The following IPCEF1 variants were observed in gnomAD, a reference collection of about 807,000 sequenced individuals.
The protein encoded by IPCEF1 is interaction protein for cytohesin exchange factors 1.
Under a neutral mutation model 50.9 loss-of-function variants are expected in IPCEF1, and 31 were observed. The observed-to-expected ratio is 0.61, with a 90% CI of 0.46 to 0.82. The LOEUF is 0.82. Among genes scored for constraint, IPCEF1 ranks in the 40% least tolerant of loss-of-function variants. IPCEF1 has a pLI of 0.00. For synonymous variants in IPCEF1, 181 were observed against 192.0 expected (o/e 0.94, Z 0.47); for missense variants, 458 against 514.0 (o/e 0.89, Z 1.05).
At chr6:154,166,544 T>C (rs1218762974) in intron 11 of IPCEF1, among the ~76,000 whole-genome samples, 1 of 152,236 alleles carries the variant, frequency 6.6e-6, no homozygotes, top group African/African-American at 2.4e-5. Flanking sequence ...GTGTTCCTAA[T>C]GCCTCCAGTA....
intron 1 of IPCEF1, among the ~76,000 whole-genome samples, chr6:154,351,367 C>T (rs1431462216): frequency 1.3e-5 from 2 of 152,156 alleles, no homozygotes; most frequent in African/African-American, 2.4e-5. Flanking sequence ...CCCTTTTGTT[C>T]CCTGCTGGCT....
At chr6:154,239,701 A>G (rs865957694) in intron 5 of IPCEF1, among the ~76,000 whole-genome samples, 6 of 136,318 alleles carry the variant, frequency 4.4e-5, no homozygotes, top group Admixed American at 2.1e-4. Context: ...AATTGTCTTC[A>G]CTGAAGAAAC....
chr6:154,161,059 T>G (rs1444605993), intron 11 of IPCEF1, among the ~76,000 whole-genome samples: 4 of 152,206 alleles, frequency 2.6e-5, no homozygotes, highest in Non-Finnish European at 5.9e-5. Context: ...GCATGCATTT[T>G]CTCACCCACA....
rs776199517 is a variant in IPCEF1 at position 154,246,688 on chromosome 6, T to C, written c.149A>G (p.Tyr50Cys). ...LGHADCQGWLYKKKEKGSFLS... is the reference protein window; with the variant it reads ...LGHADCQGWLCKKKEKGSFLS... ...GAAACTTCCCTTTTCCTTTTTCTTATACAGCCACCCTTGGCAGTCAGCATG... is the reference window on the plus strand; with the variant it reads ...GAAACTTCCCTTTTCCTTTTTCTTACACAGCCACCCTTGGCAGTCAGCATG... Residue 50 changes from tyrosine (Y) to cysteine (C), a missense_variant, in exon 5 of 12, where the codon TAT becomes TGT. Physicochemically the swap from Tyr to Cys is radical, Grantham distance 194. Transcript: ENST00000367220. The C allele has an allele frequency of 1.9e-6, 3 of 1,614,134 alleles. No homozygotes were observed. The highest frequency in any genetic ancestry group is 4.5e-5 in the East Asian group (2 of 44,886).
At chr6:154,182,449 G>A (rs1369756461) in intron 10 of IPCEF1, among the ~76,000 whole-genome samples, 1 of 151,838 alleles carries the variant, frequency 6.6e-6, no homozygotes, top group Non-Finnish European at 1.5e-5. Context: ...TCAACTATCT[G>A]ATTAAGTAGC....
chr6:154,271,959 C>A (rs1390368513), intron 2 of IPCEF1, among the ~76,000 whole-genome samples: 15 of 152,194 alleles, frequency 9.9e-5, no homozygotes. Context: ...TGCACTCCAT[C>A]CTGAACAACA....
At chr6:154,345,657 A>C (rs1584011748) in intron 1 of IPCEF1, among the ~76,000 whole-genome samples, 2 of 152,064 alleles carry the variant, frequency 1.3e-5, no homozygotes, top group East Asian at 3.9e-4. Flanking sequence ...AACGTGTTAG[A>C]TTTGTCAATT....
At chr6:154,247,112 C>A in intron 4 of IPCEF1, 1 of 398,104 alleles carries the variant, frequency 2.5e-6, no homozygotes, top group Non-Finnish European at 4.5e-6. Flanking sequence ...GGCTGGCGGG[C>A]ATATCAGTGC....
chr6:154,178,720 T>A (rs544524503), intron 10 of IPCEF1, among the ~76,000 whole-genome samples: 4 of 152,222 alleles, frequency 2.6e-5, no homozygotes, highest in African/African-American at 9.6e-5. Context: ...AATCCAAAAA[T>A]GAGATAATGG....
At chr6:154,200,453 G>A (rs1776969898) in intron 9 of IPCEF1, among the ~76,000 whole-genome samples, 1 of 152,208 alleles carries the variant, frequency 6.6e-6, no homozygotes, top group Non-Finnish European at 1.5e-5. Context: ...GGGTGCGATG[G>A]CTCATGCCTG....
intron 10 of IPCEF1, among the ~76,000 whole-genome samples, chr6:154,195,948 T>C (rs1412068374): frequency 1.3e-5 from 2 of 151,942 alleles, no homozygotes; most frequent in Non-Finnish European, 1.5e-5. Context: ...TGTGCCACCA[T>C]ACCTGGCTAA....
chr6:154,250,498 G>T (rs1375169583), intron 3 of IPCEF1, among the ~76,000 whole-genome samples: 1 of 152,096 alleles, frequency 6.6e-6, no homozygotes, highest in Admixed American at 6.5e-5. Flanking sequence ...CTTTTTCATT[G>T]AAGAAGTGTA....
At chr6:154,204,705 T>C (rs1426944185) in intron 9 of IPCEF1, among the ~76,000 whole-genome samples, 2 of 152,212 alleles carry the variant, frequency 1.3e-5, no homozygotes, top group African/African-American at 4.8e-5. Flanking sequence ...AGTGGCTTCC[T>C]GCCTTATCAG....
chr6:154,229,862 C>G (rs757460504), intron 5 of IPCEF1, among the ~76,000 whole-genome samples: 3 of 152,148 alleles, frequency 2.0e-5, no homozygotes, highest in Non-Finnish European at 2.9e-5. Context: ...CACAGCCATA[C>G]GACGAAATGC....
rs185979097 is a variant in IPCEF1 at position 154,184,045 on chromosome 6, C to T, written c.910+15623G>A. The stretch of plus-strand genomic sequence containing the variant: ...GTCACTATGCTGCATATTCGATCCC[C>T]TGAGCTTATTCATTTTATAGCTGAA... On this transcript the variant is annotated intron_variant, in intron 10 of 11. Coordinates refer to ENST00000367220, the MANE Select transcript of IPCEF1 (RefSeq NM_001130700.2). Among the ~76,000 whole-genome samples the T allele has an allele frequency of 6.5e-3, 982 of 152,222 alleles. 6 individuals carry two copies. The highest frequency in any genetic ancestry group is 0.023 in the African/African-American group (942 of 41,568).
chr6:154,199,938 A>T lies in IPCEF1; in HGVS notation c.640T>A (p.Ser214Thr). 6.2e-7 allele frequency: 1 copy of T among 1,614,230 alleles called. No individual in the cohort carries two copies. The highest frequency in any genetic ancestry group is 8.5e-7 in the Non-Finnish European group (1 of 1,180,040). Residue 214 changes from serine (S) to threonine (T), a missense_variant, in exon 10 of 12, where the codon TCC becomes ACC. By Grantham distance (58) the Ser-to-Thr change is moderately conservative (BLOSUM62 1). Transcript: ENST00000367220. ...TVKTPSSFPS[S>T]LSKERQSLPD... ...AAGGATTGTCTCTCTTTAGATAAGG[A>T]GGAAGGAAAACTGCTGGGTGTCTTC...
chr6:154,264,387 T>A (rs1486284316), intron 3 of IPCEF1, among the ~76,000 whole-genome samples: 1 of 152,128 alleles, frequency 6.6e-6, no homozygotes, highest in Non-Finnish European at 1.5e-5. Context: ...TTTATTTTTT[T>A]AATTGAGATG....
chr6:154,245,023 G>A (rs192864357), intron 5 of IPCEF1, among the ~76,000 whole-genome samples: 68 of 152,300 alleles, frequency 4.5e-4, no homozygotes, highest in Non-Finnish European at 8.7e-4. Flanking sequence ...ACAAGAAAGA[G>A]ACATTTATAT....
At chr6:154,274,043 G>A (rs1156794486) in intron 2 of IPCEF1, among the ~76,000 whole-genome samples, 1 of 149,390 alleles carries the variant, frequency 6.7e-6, no homozygotes, top group African/African-American at 2.5e-5. Flanking sequence ...ATGAGCCACC[G>A]TGCCTGGCTG....
Sources: allele counts gnomAD v4.1 joint callset (sites outside exome capture counted in the v4.1 genomes callset), GRCh38; gene constraint gnomAD v4.1.1; transcripts MANE v1.5; gene names NCBI Gene and HGNC (gene_info 2026-07-23, HGNC 2026-07-21).